Variants in AQP9 observed in about 807,000 individuals in gnomAD.
The protein encoded by AQP9 is aquaporin-9.
In AQP9, 19 loss-of-function variants were observed where a neutral mutation model predicts 23.8. The observed-to-expected ratio is 0.80, with a 90% CI of 0.56 to 1.17. The LOEUF is 1.17. Ranked by LOEUF, AQP9 falls within the 50% of genes most tolerant of loss-of-function variation. The pLI, the probability that AQP9 is intolerant of heterozygous loss-of-function variation, is 0.00. For synonymous variants in AQP9, 153 were observed against 131.5 expected, an observed-to-expected ratio of 1.16 and a Z score of -1.12; for missense variants, 413 against 362.0, an observed-to-expected ratio of 1.14 and a Z score of -1.14.
chr15:58,147,890 GCACACACA>G (rs112161250), intron 1 of AQP9, among the ~76,000 whole-genome samples: 1 of 150,294 alleles, frequency 6.7e-6, no homozygotes, highest in Non-Finnish European at 1.5e-5. Flanking sequence ...ATAAACACAT[GCACACACA>G]CACACACACA....
At chr15:58,165,978 T>C (rs1364017450) in intron 1 of AQP9, among the ~76,000 whole-genome samples, 1 of 152,222 alleles carries the variant, frequency 6.6e-6, no homozygotes, top group South Asian at 2.1e-4. Flanking sequence ...GCCAAATCTA[T>C]CCCCCTAAGG....
chr15:58,147,550 G>A (rs1566980796), intron 1 of AQP9, among the ~76,000 whole-genome samples: 1 of 152,110 alleles, frequency 6.6e-6, no homozygotes, highest in Non-Finnish European at 1.5e-5. Context: ...CCTGCCCCTT[G>A]CCCTTTTCTC....
At chr15:58,151,678 A>G (rs1052000440) in intron 1 of AQP9, 7 of 152,044 alleles carry the variant, frequency 4.6e-5, no homozygotes, top group Admixed American at 2.0e-4. Flanking sequence ...TAATAATAAT[A>G]TTTACCACCC....
rs1348029704 is a variant in AQP9, at chr15:58,184,020, G to C, written c.773G>C (p.Gly258Ala). 4 of 1,614,172 alleles carry C rather than the reference G, an allele frequency of 2.5e-6. No homozygotes were observed. In the South Asian group the frequency reaches 3.3e-5, roughly 13 times the overall value. Residue 258 changes from glycine (G) to alanine (A), a missense_variant, in exon 6 of 6, where the codon GGA (glycine) becomes GCA (alanine). By Grantham distance (60) the Gly-to-Ala change is moderately conservative (BLOSUM62 0). Transcript: ENST00000219919. Reference sequence around the variant, plus strand: ...GGCCCTTTGGTTGGTGCTGTCATTGGAGGCCTCATCTATGTTCTTGTCATT... The same window carrying C: ...GGCCCTTTGGTTGGTGCTGTCATTGCAGGCCTCATCTATGTTCTTGTCATT... The part of the protein sequence containing the change: ...VVGPLVGAVI[G>A]GLIYVLVIEI...
At chr15:58,166,358 A>G (rs1356770670) in intron 1 of AQP9, among the ~76,000 whole-genome samples, 1 of 152,240 alleles carries the variant, frequency 6.6e-6, no homozygotes, top group East Asian at 1.9e-4. Flanking sequence ...GTCTATAATT[A>G]TCTCAAAATA....
At chr15:58,171,291 G>C (rs549360242) in intron 2 of AQP9, among the ~76,000 whole-genome samples, 6 of 152,184 alleles carry the variant, frequency 3.9e-5, no homozygotes, top group African/African-American at 1.4e-4. Context: ...GTTTCACCAT[G>C]TTGGGCAGGC....
chr15:58,143,203 C>T (rs555167958), intron 1 of AQP9, among the ~76,000 whole-genome samples: 1 of 152,184 alleles, frequency 6.6e-6, no homozygotes, highest in African/African-American at 2.4e-5. Context: ...GAGTTCTGTC[C>T]CTTTAAGAAC....
intron 2 of AQP9, among the ~76,000 whole-genome samples, 154 bp from the exon 3 acceptor site, chr15:58,172,913 AC>A (rs1239284589): frequency 1.3e-5 from 2 of 152,090 alleles, no homozygotes; most frequent in African/African-American, 4.8e-5. Context: ...GCTCAGATAC[AC>A]ACTCTCTCTT....
chr15:58,160,543 A>G (rs549040531), intron 1 of AQP9, among the ~76,000 whole-genome samples: 1 of 152,268 alleles, frequency 6.6e-6, no homozygotes, highest in African/African-American at 2.4e-5. Flanking sequence ...ATTATTATTT[A>G]AGCATGGAAT....
chr15:58,182,946 G>C (rs1304703960), intron 5 of AQP9, among the ~76,000 whole-genome samples: 3 of 152,144 alleles, frequency 2.0e-5, no homozygotes, highest in Non-Finnish European at 4.4e-5. Context: ...CTAGGACAGG[G>C]TTCTTGTGTC....
At chr15:58,152,357 A>G (rs4775014) in intron 1 of AQP9, 114,244 of 152,016 alleles carry the variant, frequency 0.75, 43,523 homozygotes, top group Middle Eastern at 0.85. Flanking sequence ...TACTCCCTAC[A>G]TATACTAATC....
In AQP9 at chr15:58,173,088, G is replaced by C. The variant is rs1348749454; in HGVS notation, c.259G>C (p.Val87Leu). 1.2e-6 allele frequency: 2 copies of C among 1,614,012 alleles called. No individual in the cohort carries two copies. The highest frequency in any genetic ancestry group is 2.2e-5 in the East Asian group (1 of 44,864). ...TGCAGGTGGTCACATCAACCCAGCT[G>C]TGTCTTTAGCAATGTGTCTCTTTGG... ...GVSGGHINPAVSLAMCLFGRM... is the reference protein window; with the variant it reads ...GVSGGHINPALSLAMCLFGRM... The change falls in exon 3 of 6, where the codon GTG (valine) becomes CTG (leucine). Residue 87 changes from valine (V) to leucine (L), a missense_variant. Coordinates refer to ENST00000219919, the MANE Select transcript of AQP9 (RefSeq NM_020980.5).
intron 1 of AQP9, 146 bp from the exon 2 acceptor site, chr15:58,166,527 T>G: frequency 9.0e-7 from 1 of 1,112,226 alleles, no homozygotes; most frequent in South Asian, 1.7e-5. Context: ...TATCTGTGTA[T>G]AGCTGAATCA....
chr15:58,141,223 C>G (rs151259893), intron 1 of AQP9, among the ~76,000 whole-genome samples: 1 of 152,312 alleles, frequency 6.6e-6, no homozygotes, highest in Non-Finnish European at 1.5e-5. Flanking sequence ...CTCACTCCTA[C>G]TACTCTATAT....
chr15:58,146,238 G>A (rs1239202701), intron 1 of AQP9, among the ~76,000 whole-genome samples: 1 of 151,904 alleles, frequency 6.6e-6, no homozygotes, highest in Non-Finnish European at 1.5e-5. Flanking sequence ...ATATTGGTAT[G>A]CATGTTGACT....
intron 1 of AQP9, among the ~76,000 whole-genome samples, chr15:58,161,917 G>A (rs1206191206): frequency 2.0e-5 from 3 of 151,968 alleles, no homozygotes; most frequent in African/African-American, 7.3e-5. Context: ...TGTCATCCCT[G>A]GAAATAATGT....
intron 4 of AQP9, among the ~76,000 whole-genome samples, chr15:58,178,612 T>G (rs148431718): frequency 1.3e-5 from 2 of 152,374 alleles, no homozygotes; most frequent in Admixed American, 1.3e-4. Flanking sequence ...CATTTGATAT[T>G]GTTTGGATTT....
rs185146726 is a variant in AQP9, at chr15:58,183,304, C to A, written c.714-657C>A. On this transcript the variant is annotated intron_variant, in intron 5 of 5. Transcript: ENST00000219919. ...TTTCTCTCTCCAAAGAAGATGGTGACAACTCACAAAGATACCTGCTTTTCC... is the reference window on the plus strand; with the variant it reads ...TTTCTCTCTCCAAAGAAGATGGTGAAAACTCACAAAGATACCTGCTTTTCC... Among the ~76,000 whole-genome samples the A allele has an allele frequency of 3.9e-5, 6 of 152,280 alleles. No homozygotes were observed. The South Asian group carries it at 1.2e-3, about 32-fold the overall frequency.
At chr15:58,159,620 A>G (rs1432395157) in intron 1 of AQP9, among the ~76,000 whole-genome samples, 1 of 152,090 alleles carries the variant, frequency 6.6e-6, no homozygotes, top group African/African-American at 2.4e-5. Context: ...TTCTTCTATC[A>G]AACTGTATAT....
Sources: gnomAD v4.1 joint callset for allele counts (sites outside exome capture counted in the v4.1 genomes callset) on GRCh38, gnomAD v4.1.1 for gene constraint, MANE v1.5 for transcripts, NCBI Gene and HGNC (gene_info 2026-07-23, HGNC 2026-07-21) for gene names.